Variants in USP47 observed in about 807,000 individuals in gnomAD.
USP47 encodes ubiquitin carboxyl-terminal hydrolase 47.
A neutral mutation model predicts 165.1 loss-of-function variants in USP47; 35 were observed. The observed-to-expected ratio is 0.21, with a 90% CI of 0.16 to 0.28. The LOEUF is 0.28. USP47 is among the 10% of genes least tolerant of loss of function. The probability of loss-of-function intolerance (pLI) is 1.00; values close to 1 mark genes in which losing one functional copy is unlikely to be tolerated. For missense variants in USP47, 1,277 were observed against 1,607.4 expected (o/e 0.79, Z 3.52); for synonymous variants, 531 against 544.5 (o/e 0.98, Z 0.35).
chr11:11,845,226 A>G (rs1466832524), intron 1 of USP47, among the ~76,000 whole-genome samples: 2 of 152,178 alleles, frequency 1.3e-5, no homozygotes, highest in African/African-American at 4.8e-5. Flanking sequence ...GATTCTGGCC[A>G]CAACCTGTCC....
At chr11:11,854,134 CA>C (rs539855427) in intron 1 of USP47, among the ~76,000 whole-genome samples, 1,261 of 59,182 alleles carry the variant, frequency 0.021, 20 homozygotes, top group African/African-American at 0.049. Flanking sequence ...GACTCCGTCT[CA>C]AAAAAAAAAA....
chr11:11,926,535 T>A (rs1252337247), intron 11 of USP47, among the ~76,000 whole-genome samples: 1 of 152,080 alleles, frequency 6.6e-6, no homozygotes, highest in East Asian at 1.9e-4. Flanking sequence ...CCTCTTTCAT[T>A]TCTGATTTTT....
At chr11:11,941,811 T>G (rs956676963) in intron 19 of USP47, among the ~76,000 whole-genome samples, 2 of 152,078 alleles carry the variant, frequency 1.3e-5, no homozygotes, top group African/African-American at 4.8e-5. Flanking sequence ...CTTAGAAAAT[T>G]TTTTTCTGTA....
At chr11:11,928,279 A>G (rs1350725761) in intron 11 of USP47, among the ~76,000 whole-genome samples, 1 of 152,098 alleles carries the variant, frequency 6.6e-6, no homozygotes, top group Non-Finnish European at 1.5e-5. Flanking sequence ...TCAATGCTTT[A>G]AACACATTTT....
intron 1 of USP47, among the ~76,000 whole-genome samples, chr11:11,863,180 GA>G (rs1420832609): frequency 6.6e-6 from 1 of 152,108 alleles, no homozygotes; most frequent in Non-Finnish European, 1.5e-5. Flanking sequence ...GTTGTGATTT[GA>G]TTTTTAAATT....
intron 5 of USP47, among the ~76,000 whole-genome samples, chr11:11,901,210 T>C (rs1174720471): frequency 1.3e-5 from 2 of 152,114 alleles, no homozygotes; most frequent in African/African-American, 4.8e-5. Context: ...AGAAAAATAT[T>C]GAACACTCTA....
intron 6 of USP47, 67 bp downstream of exon 6, chr11:11,902,927 C>A: frequency 7.0e-7 from 1 of 1,424,438 alleles, no homozygotes; most frequent in Admixed American, 2.5e-5. Flanking sequence ...AATAATATTA[C>A]AAACACATTA....
rs1438241359 is a variant in USP47 at position 11,958,733 on chromosome 11, C to G, written c.*2558C>G. The G allele has an allele frequency of 6.6e-6, 1 of 152,284 alleles. No individual in the cohort carries two copies. The highest frequency in any genetic ancestry group is 1.5e-5 in the Non-Finnish European group (1 of 68,088). The allele number at this position is 152,284 out of a possible 1,614,324, so 9.4% of individuals were successfully genotyped here. A position where few individuals can be genotyped will look rare whatever the true frequency, so the allele number is the denominator to read the frequency against. ...GGGCACTCAAGGTGAGGGGTGCATT[C>G]TGGCCAAAGAAACAAAAGCTGTGGT... On this transcript the variant is annotated 3_prime_UTR_variant, in exon 28 of 28. Transcript: ENST00000527733.
At chr11:11,905,248 A>C in intron 7 of USP47, 151 bp from the exon 8 acceptor site, 1 of 251,240 alleles carries the variant, frequency 4.0e-6, no homozygotes, top group Non-Finnish European at 6.8e-6. Context: ...ATAATATATA[A>C]TAATAAATAT....
At chr11:11,871,551 G>GTGGGAACC (rs1850064325) in intron 1 of USP47, among the ~76,000 whole-genome samples, 1 of 143,672 alleles carries the variant, frequency 7.0e-6, no homozygotes, top group African/African-American at 2.5e-5. Context: ...ATTCTGGTTG[G>GTGGGAACC]TGGGAACCTA....
At chr11:11,897,824 C>G in intron 5 of USP47, 131 bp downstream of exon 5, 1 of 591,778 alleles carries the variant, frequency 1.7e-6, no homozygotes, top group East Asian at 2.9e-5. Context: ...TAACTTCTTT[C>G]CTTACGTAAT....
chr11:11,858,236 C>T (rs1849170196), intron 1 of USP47, among the ~76,000 whole-genome samples: 1 of 152,016 alleles, frequency 6.6e-6, no homozygotes, highest in Non-Finnish European at 1.5e-5. Context: ...TGGACATGCT[C>T]CACCGGTAAC....
intron 2 of USP47, among the ~76,000 whole-genome samples, 180 bp from the exon 3 acceptor site, chr11:11,884,287 A>G (rs1851013667): frequency 6.6e-6 from 1 of 152,158 alleles, no homozygotes; most frequent in Non-Finnish European, 1.5e-5. Flanking sequence ...CAGTGTATGC[A>G]CTGTTACTGG....
chr11:11,847,464 A>T (rs1848492210), intron 1 of USP47, among the ~76,000 whole-genome samples: 1 of 151,972 alleles, frequency 6.6e-6, no homozygotes, highest in Admixed American at 6.5e-5. Flanking sequence ...ACTTGGTTGT[A>T]CTCTAGGACC....
intron 1 of USP47, among the ~76,000 whole-genome samples, chr11:11,858,403 A>G (rs561161804): frequency 6.6e-6 from 1 of 152,316 alleles, no homozygotes; most frequent in African/African-American, 2.4e-5. Flanking sequence ...TTATTTATAT[A>G]TAGAAAAATT....
intron 5 of USP47, among the ~76,000 whole-genome samples, chr11:11,898,960 A>G (rs2134425467): frequency 1.3e-5 from 2 of 152,326 alleles, no homozygotes; most frequent in South Asian, 4.1e-4. Flanking sequence ...ATTTTATGCT[A>G]TTATTGTCCG....
chr11:11,913,365 A>G (rs547649539), intron 8 of USP47, among the ~76,000 whole-genome samples: 54 of 151,854 alleles, frequency 3.6e-4, no homozygotes, highest in Non-Finnish European at 7.1e-4. Context: ...ACTAACAATG[A>G]ACATGTAGAA....
At chr11:11,949,511 A>G (rs1281726718) in intron 22 of USP47, among the ~76,000 whole-genome samples, 3 of 152,158 alleles carry the variant, frequency 2.0e-5, no homozygotes, top group Non-Finnish European at 4.4e-5. Flanking sequence ...TTTTGAGACA[A>G]TTGGTTAAAG....
intron 2 of USP47, among the ~76,000 whole-genome samples, chr11:11,881,940 A>G (rs1297594563): frequency 6.6e-6 from 1 of 152,138 alleles, no homozygotes; most frequent in South Asian, 2.1e-4. Flanking sequence ...TAGCAGAGGT[A>G]CTGATCACTT....
Sources: gnomAD v4.1 joint callset for allele counts (sites outside exome capture counted in the v4.1 genomes callset) on GRCh38, gnomAD v4.1.1 for gene constraint, MANE v1.5 for transcripts, NCBI Gene and HGNC (gene_info 2026-07-23, HGNC 2026-07-21) for gene names.